MTMR7: variants seen among roughly 807,000 people sequenced by gnomAD.
MTMR7 encodes the protein myotubularin related protein 7, also known as phosphatidylinositol-3-phosphate phosphatase MTMR7.
A neutral mutation model predicts 81.2 loss-of-function variants in MTMR7; 76 were observed. That is an observed-to-expected ratio of 0.94 (90% CI 0.78 to 1.13). MTMR7 has a LOEUF of 1.13. Ranked by LOEUF, MTMR7 falls within the 50% of genes most tolerant of loss-of-function variation. MTMR7 has a pLI of 0.00. For synonymous variants in MTMR7, 372 were observed against 289.8 expected (o/e 1.28, Z -2.88); for missense variants, 1,044 against 820.0 (o/e 1.27, Z -3.34).
chr8:17,406,918 G>C (rs1035642878), intron 1 of MTMR7, among the ~76,000 whole-genome samples: 3 of 152,114 alleles, frequency 2.0e-5, no homozygotes, highest in African/African-American at 7.2e-5. Context: ...AACATATATA[G>C]AGACAGAATG....
chr8:17,373,309 C>G lies in MTMR7; in HGVS notation c.25-69G>C, dbSNP rs973555293. The stretch of plus-strand genomic sequence containing the variant: ...GAGCAATTCACGAAATAAATGATAA[C>G]AGGGTAAACTCACACTTACTCCAAA... On this transcript the variant is annotated intron_variant, in intron 1 of 13. Coordinates refer to ENST00000180173, the MANE Select transcript of MTMR7 (RefSeq NM_004686.5). 4.6e-6 allele frequency: 7 copies of G among 1,532,214 alleles called. No individual in the cohort carries two copies. The Admixed American group carries it at 7.9e-5, about 17-fold the overall frequency. The allele number at this position is 1,532,214 out of a possible 1,614,324, so 94.9% of individuals were successfully genotyped here.
rs1175591799 is a variant in MTMR7 at position 17,400,184 on chromosome 8, G to C, written c.24+13085C>G. ...TTATAACAAGAGCAATACAACAATAGTACCGATAGTACTGATAAAAGAAAA... is the reference window on the plus strand; with the variant it reads ...TTATAACAAGAGCAATACAACAATACTACCGATAGTACTGATAAAAGAAAA... On this transcript the variant is annotated intron_variant, in intron 1 of 13. Coordinates refer to ENST00000180173, the MANE Select transcript of MTMR7 (RefSeq NM_004686.5). 2.6e-5 allele frequency among the ~76,000 whole-genome samples: 4 copies of C among 152,092 alleles called. No homozygotes were observed. In the East Asian group the frequency reaches 7.7e-4, roughly 29 times the overall value.
Position 17,300,204 on chromosome 8 carries a change from C to G in MTMR7, c.1641G>C (p.Lys547Asn), listed in dbSNP as rs778066206. ...ALEERLEKIQ[K>N]VQLNCTKVKS... is the part of the protein sequence containing the mutation. The stretch of plus-strand genomic sequence containing the variant: ...TCACCTTAGTGCAATTTAACTGGAC[C>G]TTTTGAATTTTTTCCAGCCTCTAAG... Residue 547 changes from lysine (K) to asparagine (N), a missense_variant, in exon 14 of 14, where the codon AAG becomes AAC. By Grantham distance (94) the Lys-to-Asn change is moderately conservative (BLOSUM62 0). Transcript: ENST00000180173. 6.2e-7 allele frequency: 1 copy of G among 1,603,602 alleles called. No individual in the cohort carries two copies. Among genetic ancestry groups the G allele is most frequent in the Non-Finnish European group, 8.5e-7 (1 of 1,174,564 alleles).
At chr8:17,384,173 G>C (rs1422515051) in intron 1 of MTMR7, among the ~76,000 whole-genome samples, 3 of 152,138 alleles carry the variant, frequency 2.0e-5, no homozygotes, top group Non-Finnish European at 4.4e-5. Context: ...AACTTTAGGA[G>C]GCTGAGGCAG....
Position 17,373,209 on chromosome 8 carries a change from G to C in MTMR7, c.56C>G (p.Ser19Cys), listed in dbSNP as rs1206833284. The change falls in exon 2 of 14, where the codon TCT becomes TGT. Residue 19 changes from serine to cysteine, a missense_variant. Physicochemically the swap from Ser to Cys is moderately radical, Grantham distance 112. Coordinates refer to ENST00000180173, the MANE Select transcript of MTMR7 (RefSeq NM_004686.5). ...AGTACCTAGAGCTGCTTTTTTAGGA[G>C]ACACTCGATCTACCAAGCGGACATT... is the stretch of plus-strand genomic sequence containing the variant. ...VENVRLVDRV[S>C]PKKAALGTLY... The C allele has an allele frequency of 6.2e-6, 10 of 1,613,378 alleles. No individual in the cohort carries two copies. The highest frequency in any genetic ancestry group is 8.5e-6 in the Non-Finnish European group (10 of 1,179,718).
chr8:17,402,747 T>C (rs1010468295), intron 1 of MTMR7, among the ~76,000 whole-genome samples: 2 of 152,220 alleles, frequency 1.3e-5, no homozygotes, highest in South Asian at 2.1e-4. Context: ...CTCTTGGACA[T>C]ACTCATATAT....
At chr8:17,346,934 C>T (rs773011024) in intron 5 of MTMR7, among the ~76,000 whole-genome samples, 1 of 149,452 alleles carries the variant, frequency 6.7e-6, no homozygotes, top group Non-Finnish European at 1.5e-5. Flanking sequence ...GCGCCTCACA[C>T]CTGTAATCCC....
chr8:17,350,316 G>C (rs985590705), intron 4 of MTMR7, among the ~76,000 whole-genome samples: 2 of 152,206 alleles, frequency 1.3e-5, no homozygotes, highest in Admixed American at 1.3e-4. Flanking sequence ...AAAGGAAAAG[G>C]TTTAATGGAC....
rs2285288 is a variant in MTMR7 at position 17,344,016 on chromosome 8, A to T, written c.598-2519T>A. Among the ~76,000 whole-genome samples, 3,926 of 152,194 alleles carry T rather than the reference A, an allele frequency of 0.026. 426 individuals are homozygous for T. The East Asian group carries it at 0.32, about 12-fold the overall frequency. Reference sequence around the variant, plus strand: ...GCTACTAATAATTAAAATATTCAACATTTTTGATGGCTTACTACTGTTTTT... The same window carrying T: ...GCTACTAATAATTAAAATATTCAACTTTTTTGATGGCTTACTACTGTTTTT... On this transcript the variant is annotated intron_variant, in intron 5 of 13. Transcript: ENST00000180173.
chr8:17,370,958 G>T, intron 3 of MTMR7, 79 bp downstream of exon 3: 1 of 1,431,868 alleles, frequency 7.0e-7, no homozygotes, highest in Non-Finnish European at 9.7e-7. Context: ...TCATTCCTAA[G>T]CACCATACAA....
At chr8:17,310,342 C>G (rs1018840) in intron 9 of MTMR7, among the ~76,000 whole-genome samples, 107,782 of 152,096 alleles carry the variant, frequency 0.71, 39,074 homozygotes, top group African/African-American at 0.86. Flanking sequence ...TGGATAGTCT[C>G]ATCAATATCC....
intron 6 of MTMR7, among the ~76,000 whole-genome samples, chr8:17,335,273 C>T (rs923604347): frequency 2.0e-5 from 3 of 152,088 alleles, no homozygotes; most frequent in Non-Finnish European, 4.4e-5. Context: ...ATCCTTCAAA[C>T]CGGCATGGAA....
At chr8:17,367,837 C>G (rs1426714140) in intron 3 of MTMR7, among the ~76,000 whole-genome samples, 4 of 151,852 alleles carry the variant, frequency 2.6e-5, no homozygotes, top group Admixed American at 2.6e-4. Flanking sequence ...CCTTCCCCAC[C>G]CTTCGCATTC....
chr8:17,389,953 T>A (rs1333434103), intron 1 of MTMR7, among the ~76,000 whole-genome samples: 1 of 151,982 alleles, frequency 6.6e-6, no homozygotes, highest in Non-Finnish European at 1.5e-5. Context: ...CTTTACTCTG[T>A]ACCAGACATA....
rs541681798 is a variant in MTMR7, at chr8:17,404,167, A to T, written c.24+9102T>A. Among the ~76,000 whole-genome samples, 19 of 152,304 alleles carry T rather than the reference A, an allele frequency of 1.2e-4. No homozygotes were observed. In the South Asian group the frequency reaches 3.3e-3, roughly 27 times the overall value. On this transcript the variant is annotated intron_variant, in intron 1 of 13. Coordinates refer to ENST00000180173, the MANE Select transcript of MTMR7 (RefSeq NM_004686.5). Reference sequence around the variant, plus strand: ...GGCAAAAATGGAAAGGGGACCAGGCAAGAGTTGACAGTATTTCAGAATAGG... The same window carrying T: ...GGCAAAAATGGAAAGGGGACCAGGCTAGAGTTGACAGTATTTCAGAATAGG...
At chr8:17,351,002 T>A (rs1432558989) in intron 4 of MTMR7, among the ~76,000 whole-genome samples, 3 of 152,096 alleles carry the variant, frequency 2.0e-5, no homozygotes, top group Middle Eastern at 3.2e-3. Context: ...AACACGGCAC[T>A]CCCTCCCCCT....
intron 11 of MTMR7, 31 bp from the exon 12 acceptor site, chr8:17,304,550 C>A: frequency 6.2e-7 from 1 of 1,601,282 alleles, no homozygotes; most frequent in Non-Finnish European, 8.5e-7. Flanking sequence ...CTATAAATGA[C>A]CTATTTTGGT....
At chr8:17,315,191 A>C (rs1817998558) in intron 7 of MTMR7, among the ~76,000 whole-genome samples, 1 of 152,246 alleles carries the variant, frequency 6.6e-6, no homozygotes, top group Non-Finnish European at 1.5e-5. Context: ...GAAAAGACAC[A>C]GAGGGAAGTT....
chr8:17,303,438 T>A (rs1188410733), intron 12 of MTMR7, among the ~76,000 whole-genome samples: 2 of 152,050 alleles, frequency 1.3e-5, no homozygotes, highest in Non-Finnish European at 2.9e-5. Flanking sequence ...AAGAAAGAGA[T>A]GGGGTTTCTG....
Sources: allele counts gnomAD v4.1 joint callset (sites outside exome capture counted in the v4.1 genomes callset), GRCh38; gene constraint gnomAD v4.1.1; transcripts MANE v1.5; gene names NCBI Gene and HGNC (gene_info 2026-07-23, HGNC 2026-07-21).